The following SCARF2 variants were observed in gnomAD, a reference collection of about 807,000 sequenced individuals.
The protein encoded by SCARF2 is scavenger receptor class F member 2.
SCARF2 carries 39 observed loss-of-function variants against 73.4 expected under a neutral mutation model. The ratio of observed to expected loss-of-function variants is 0.53; its 90% CI spans 0.41 to 0.69. The LOEUF is 0.69. SCARF2 is among the 30% of genes least tolerant of loss of function. The pLI, the probability that SCARF2 is intolerant of heterozygous loss-of-function variation, is 0.00. For missense variants in SCARF2, 1,148 were observed against 1,303.5 expected (o/e 0.88, Z 1.84); for synonymous variants, 605 against 590.0 (o/e 1.03, Z -0.37).
At chr22:20,426,491 C>T (rs2052579934) in intron 10 of SCARF2, among the ~76,000 whole-genome samples, 1 of 152,236 alleles carries the variant, frequency 6.6e-6, no homozygotes, top group African/African-American at 2.4e-5. Flanking sequence ...TCAGGCTGTG[C>T]AAGGAGTGAT....
intron 6 of SCARF2, among the ~76,000 whole-genome samples, chr22:20,430,147 G>A (rs142431087): frequency 4.8e-4 from 73 of 152,320 alleles, no homozygotes; most frequent in Middle Eastern, 3.4e-3. Context: ...CAGACCCTTG[G>A]CTGTAAGTGG....
Position 20,429,959 on chromosome 22 carries a change from C to A in SCARF2, c.1203-126G>T, listed in dbSNP as rs1467072443. ...GAACCGGGCTCTCTCTCGCTGCATTCGTCGTCTAGGGATTGAAGCCCCGCC... is the reference window on the plus strand; with the variant it reads ...GAACCGGGCTCTCTCTCGCTGCATTAGTCGTCTAGGGATTGAAGCCCCGCC... On this transcript the variant is annotated intron_variant, in intron 6 of 10. Coordinates refer to ENST00000622235, the MANE Select transcript of SCARF2 (RefSeq NM_182895.5). This position sits in a 1 kb window ranked among gnomAD's most constrained non-coding sequence, Gnocchi z 5.2. 14 of 922,622 alleles carry A rather than the reference C, an allele frequency of 1.5e-5. No homozygotes were observed. The East Asian group carries it at 3.2e-4, about 21-fold the overall frequency. 57.2% of individuals were successfully genotyped at this position (922,622 alleles called of 1,614,324 possible). A position where few individuals can be genotyped will look rare whatever the true frequency, so the allele number is the denominator to read the frequency against.
At position 20,425,517 on chromosome 22, in the gene SCARF2, T is replaced by C; in HGVS notation, c.2459A>G (p.Glu820Gly). ...ASPARAPPAT[E>G]TPGPEKAATD... ...CGCCGCCTTCTCAGGCCCCGGGGTTTCGGTCGCTGGGGGCGCGCGGGCGGG... is the reference window on the plus strand; with the variant it reads ...CGCCGCCTTCTCAGGCCCCGGGGTTCCGGTCGCTGGGGGCGCGCGGGCGGG... The change falls in exon 11 of 11, where the codon GAA becomes GGA. Residue 820 changes from glutamate (E) to glycine (G), a missense_variant. Glu to Gly is a moderately conservative substitution (Grantham distance 98, BLOSUM62 -2). Transcript: ENST00000622235. The surrounding 1 kb of genome is among the most constrained non-coding windows in gnomAD (Gnocchi z 4.6). The C allele has an allele frequency of 7.4e-7, 1 of 1,352,226 alleles. No individual in the cohort carries two copies. Among genetic ancestry groups the C allele is most frequent in the Non-Finnish European group, 9.5e-7 (1 of 1,054,484 alleles). 83.8% of individuals were successfully genotyped at this position (1,352,226 alleles called of 1,614,324 possible).
intron 9 of SCARF2, 142 bp from the exon 10 acceptor site, chr22:20,427,692 G>C (rs933540386): frequency 7.8e-6 from 7 of 897,254 alleles, no homozygotes; most frequent in Non-Finnish European, 1.2e-5. Context: ...CAACTCAACA[G>C]GTACAGTGAC....
At chr22:20,435,784 G>A (rs1219643059) in intron 1 of SCARF2, among the ~76,000 whole-genome samples, 3 of 152,246 alleles carry the variant, frequency 2.0e-5, no homozygotes, top group Non-Finnish European at 4.4e-5. Context: ...AGACACACTT[G>A]CTTTTCTGGA....
In SCARF2 at chr22:20,425,576, T is replaced by C. The variant is rs2052564060; in HGVS notation, c.2400A>G (p.Pro800=). ...GCGGCACGGAGCGCTTGGCTTTCTG[T>C]GGGGGCGCCGGCTTTTCCCTGGGGC... ...AQGPREKPAP[P]QKAKRSVPPA... Residue 800 remains proline, a synonymous_variant, in exon 11 of 11, where the codon CCA becomes CCG. Transcript: ENST00000622235. The surrounding 1 kb of genome is among the most constrained non-coding windows in gnomAD (Gnocchi z 4.6). 2 of 1,341,266 alleles carry C rather than the reference T, an allele frequency of 1.5e-6. No homozygotes were observed. Among genetic ancestry groups the C allele is most frequent in the Non-Finnish European group, 1.9e-6 (2 of 1,050,744 alleles). 83.1% of individuals were successfully genotyped at this position (1,341,266 alleles called of 1,614,324 possible). A position where few individuals can be genotyped will look rare whatever the true frequency, so the allele number is the denominator to read the frequency against.
At chr22:20,427,889 A>G (rs1366445695) in intron 9 of SCARF2, among the ~76,000 whole-genome samples, 1 of 152,218 alleles carries the variant, frequency 6.6e-6, no homozygotes, top group Non-Finnish European at 1.5e-5. Context: ...CAGGCCACCA[A>G]GGCCTCCAAG....
chr22:20,431,665 A>AG, intron 3 of SCARF2, 80 bp downstream of exon 3: 3 of 1,505,790 alleles, frequency 2.0e-6, no homozygotes, highest in South Asian at 1.2e-5. Context: ...GGCGGATCCG[A>AG]CCCCGCCCCA....
In SCARF2 at chr22:20,431,714, C is replaced by T. The variant is rs2052650530; in HGVS notation, c.334+31G>A. ...CCCATCTCTCCAGGATTCCGCCCCA[C>T]CGACCAATACCGGCCCGACCCCACG... On this transcript the variant is annotated intron_variant, in intron 3 of 10. Coordinates refer to ENST00000622235, the MANE Select transcript of SCARF2 (RefSeq NM_182895.5). The T allele has an allele frequency of 1.9e-6, 3 of 1,546,384 alleles. No individual in the cohort carries two copies. In the South Asian group the frequency reaches 3.6e-5, roughly 18 times the overall value.
Position 20,425,644 on chromosome 22 carries a change from T to A in SCARF2, c.2332A>T (p.Thr778Ser). The A allele has an allele frequency of 1.5e-6, 2 of 1,291,976 alleles. No homozygotes were observed. Among genetic ancestry groups the A allele is most frequent in the Non-Finnish European group, 2.0e-6 (2 of 1,022,140 alleles). The allele number at this position is 1,291,976 out of a possible 1,614,324, so 80.0% of individuals were successfully genotyped here. A position where few individuals can be genotyped will look rare whatever the true frequency, so the allele number is the denominator to read the frequency against. ...ACCTCGGCGCGGCCCAGGCTGCGAG[T>A]CTTGCCGCGCAGCTCAGCGGCCAAC... ...SMLAAELRGK[T>S]RSLGRAEVAL... Residue 778 changes from threonine to serine, a missense_variant, in exon 11 of 11, where the codon ACT (threonine) becomes TCT (serine). This residue lies in a region of SCARF2 where 46 missense variants were observed against 80.6 expected (regional missense o/e 0.57). Coordinates refer to ENST00000622235, the MANE Select transcript of SCARF2 (RefSeq NM_182895.5). The surrounding 1 kb of genome is among the most constrained non-coding windows in gnomAD (Gnocchi z 4.6).
At chr22:20,430,960 C>T (rs1376229791) in intron 4 of SCARF2, 52 bp from the exon 5 acceptor site, 1 of 1,564,320 alleles carries the variant, frequency 6.4e-7, no homozygotes, top group African/African-American at 1.3e-5. Context: ...TCACCCCTGT[C>T]CCCATCGGCG....
At chr22:20,436,355 C>T (rs956570135) in intron 1 of SCARF2, among the ~76,000 whole-genome samples, 1 of 152,136 alleles carries the variant, frequency 6.6e-6, no homozygotes, top group Admixed American at 6.5e-5. Flanking sequence ...GAGACCACGG[C>T]GATCGCGCCC....
intron 10 of SCARF2, among the ~76,000 whole-genome samples, chr22:20,426,994 G>C (rs1272944186): frequency 6.6e-6 from 1 of 152,024 alleles, no homozygotes; most frequent in South Asian, 2.1e-4. Context: ...GCATCTGGGG[G>C]CACAGTCAAG....
At chr22:20,435,424 A>G (rs1210238247) in intron 1 of SCARF2, among the ~76,000 whole-genome samples, 2 of 152,114 alleles carry the variant, frequency 1.3e-5, no homozygotes, top group African/African-American at 4.8e-5. Context: ...CCTGGCAGCC[A>G]ATCCTGGTCA....
rs900419088 is a variant in SCARF2 at position 20,426,154 on chromosome 22, T to A, written c.1822A>T (p.Ser608Cys). 1 of 1,477,754 alleles carries A rather than the reference T, an allele frequency of 6.8e-7. No individual in the cohort carries two copies. The highest frequency in any genetic ancestry group is 1.4e-5 in the African/African-American group (1 of 69,832). 91.5% of individuals were successfully genotyped at this position (1,477,754 alleles called of 1,614,324 possible). A position where few individuals can be genotyped will look rare whatever the true frequency, so the allele number is the denominator to read the frequency against. Residue 608 changes from serine to cysteine, a missense_variant, in exon 11 of 11, where the codon AGC (serine) becomes TGC (cysteine). This residue lies in a region of SCARF2 where 437 missense variants were observed against 433.6 expected (regional missense o/e 1.01). Transcript: ENST00000622235. ...EAIPLPASSD[S>C]ERSASSVEGP... ...TCCACGCTGGACGCCGACCGCTCGC[T>A]GTCGGAGGACGCGGGGAGGGGTATC...
In SCARF2 at chr22:20,431,010, G is replaced by A; in HGVS notation, c.854+8C>T. 6.4e-7 allele frequency: 1 copy of A among 1,560,424 alleles called. No homozygotes were observed. The highest frequency in any genetic ancestry group is 8.6e-7 in the Non-Finnish European group (1 of 1,161,164). ...CTCCTCCCTCCCTGGCCGAGAGACC[G>A]CGCTTACCGGCGGCGACAGCCCAAG... On this transcript the variant is annotated splice_region_variant and intron_variant, in intron 4 of 10. Coordinates refer to ENST00000622235, the MANE Select transcript of SCARF2 (RefSeq NM_182895.5).
rs2052720591 is a variant in SCARF2 at position 20,437,813 on chromosome 22, C to T, written c.-59G>A. 1.4e-6 allele frequency: 1 copy of T among 736,548 alleles called. No homozygotes were observed. The highest frequency in any genetic ancestry group is 1.9e-5 in the African/African-American group (1 of 52,418). 45.6% of individuals were successfully genotyped at this position (736,548 alleles called of 1,614,324 possible). On this transcript the variant is annotated 5_prime_UTR_variant, in exon 1 of 11. Coordinates refer to ENST00000622235, the MANE Select transcript of SCARF2 (RefSeq NM_182895.5). ...GCGGGTGCGGCCGCAGCGAGAGCGG[C>T]CGGAAGCGGAGTGCGAGGCCGGGCG...
Position 20,431,755 on chromosome 22 carries a change from G to A in SCARF2, c.324C>T (p.Asn108=), listed in dbSNP as rs1236302702. 1 of 1,579,014 alleles carries A rather than the reference G, an allele frequency of 6.3e-7. No individual in the cohort carries two copies. Among genetic ancestry groups the A allele is most frequent in the Non-Finnish European group, 8.6e-7 (1 of 1,163,454 alleles). ...CGACCCCACGCTCACTGGTGTCGCA[G>A]TTGGCACCGAAGTAGCCGTGGCGGC... ...CRCRHGYFGA[N]CDTKCPRQFW... Residue 108 remains asparagine, a synonymous_variant, in exon 3 of 11, where the codon AAC becomes AAT. Transcript: ENST00000622235.
At chr22:20,434,544 T>C (rs1389586953) in intron 1 of SCARF2, among the ~76,000 whole-genome samples, 1 of 152,154 alleles carries the variant, frequency 6.6e-6, no homozygotes, top group Non-Finnish European at 1.5e-5. Context: ...GATGCTTTCC[T>C]TCTTGGAAGG....
Sources: gnomAD v4.1 joint callset for allele counts (sites outside exome capture counted in the v4.1 genomes callset) on GRCh38, gnomAD v4.1.1 for gene constraint, gnomAD v4.1.1 regional missense constraint, Gnocchi (gnomAD v3.1) non-coding constraint, MANE v1.5 for transcripts, NCBI Gene and HGNC (gene_info 2026-07-23, HGNC 2026-07-21) for gene names.